SLC12A3: variants seen among roughly 807,000 people sequenced by gnomAD.
SLC12A3 encodes the protein Na-Cl cotransporter.
In SLC12A3, 104 loss-of-function variants were observed where a neutral mutation model predicts 121.0. The observed-to-expected ratio is 0.86, with a 90% CI of 0.73 to 1.01. SLC12A3 has a LOEUF of 1.01. SLC12A3 is among the 50% of genes least tolerant of loss of function. The pLI is 0.00. For synonymous variants in SLC12A3, 536 were observed against 533.4 expected (o/e 1.00, Z -0.07); for missense variants, 1,328 against 1,356.3 (o/e 0.98, Z 0.33).
At chr16:56,865,995 T>TC (rs1964345667) in intron 1 of SLC12A3, among the ~76,000 whole-genome samples, 3 of 150,282 alleles carry the variant, frequency 2.0e-5, no homozygotes, top group African/African-American at 7.4e-5. Flanking sequence ...TCTTTTCTTT[T>TC]TTTTTTTTGA....
intron 5 of SLC12A3, 100 bp downstream of exon 5, chr16:56,870,335 C>A: frequency 7.6e-7 from 1 of 1,323,216 alleles, no homozygotes; most frequent in Non-Finnish European, 1.0e-6. Flanking sequence ...CTCTGCCTGA[C>A]TTCACCCATC....
In SLC12A3 at chr16:56,870,150, T is replaced by C. The variant is rs2055072545; in HGVS notation, c.656T>C (p.Ile219Thr). 1.2e-6 allele frequency: 2 copies of C among 1,613,964 alleles called. No individual in the cohort carries two copies. The highest frequency in any genetic ancestry group is 1.7e-6 in the Non-Finnish European group (2 of 1,180,042). Reference sequence around the variant, plus strand: ...CTGGGCCCAGAGCTTGGGGGCTCCATCGGCCTCATTTTCGCTTTCGCCAAT... The same window carrying C: ...CTGGGCCCAGAGCTTGGGGGCTCCACCGGCCTCATTTTCGCTTTCGCCAAT... Reference protein sequence around the residue: ...RSLGPELGGSIGLIFAFANAV... With the variant: ...RSLGPELGGSTGLIFAFANAV... Residue 219 changes from isoleucine to threonine, a missense_variant, in exon 5 of 26, where the codon ATC becomes ACC. Transcript: ENST00000563236.
Position 56,883,938 on chromosome 16 carries a change from G to A in SLC12A3, c.1670-111G>A, listed in dbSNP as rs34362171. On this transcript the variant is annotated intron_variant, in intron 13 of 25. Coordinates refer to ENST00000563236, the MANE Select transcript of SLC12A3 (RefSeq NM_001126108.2). ...CTCATGGCTGGTGGGTACAGGCTGG[G>A]ACCCCGGCTCTGGGCACTGCTGGCA... 3.2e-6 allele frequency: 4 copies of A among 1,232,234 alleles called. No homozygotes were observed. The South Asian group carries it at 5.3e-5, about 16-fold the overall frequency. 76.3% of individuals were successfully genotyped at this position (1,232,234 alleles called of 1,614,324 possible).
intron 25 of SLC12A3, among the ~76,000 whole-genome samples, chr16:56,912,472 C>T (rs708270): frequency 0.58 from 88,376 of 152,050 alleles, 26,234 homozygotes; most frequent in African/African-American, 0.68. Context: ...GGAGGCAGGA[C>T]AAAGACGCTG....
intron 22 of SLC12A3, among the ~76,000 whole-genome samples, chr16:56,897,174 G>T (rs746396703): frequency 6.6e-6 from 1 of 152,146 alleles, no homozygotes; most frequent in African/African-American, 2.4e-5. Flanking sequence ...TGGCACACAA[G>T]TATGGAGTTG....
In SLC12A3 at chr16:56,868,128, C is replaced by T. The variant is rs549228776; in HGVS notation, c.430-169C>T. 3.3e-5 allele frequency among the ~76,000 whole-genome samples: 5 copies of T among 152,306 alleles called. No homozygotes were observed. In the East Asian group the frequency reaches 9.6e-4, roughly 29 times the overall value. ...AGGTGGGTCTCTGGGTGCCTCTCACCCTCTTGCCCCATAGAACCAGACTCG... is the reference window on the plus strand; with the variant it reads ...AGGTGGGTCTCTGGGTGCCTCTCACTCTCTTGCCCCATAGAACCAGACTCG... On this transcript the variant is annotated intron_variant, in intron 2 of 25. Coordinates refer to ENST00000563236, the MANE Select transcript of SLC12A3 (RefSeq NM_001126108.2).
chr16:56,877,061 A>G (rs2055172687), intron 8 of SLC12A3, among the ~76,000 whole-genome samples: 1 of 152,218 alleles, frequency 6.6e-6, no homozygotes, highest in Non-Finnish European at 1.5e-5. Context: ...AGAGTGGAAC[A>G]CATGCTGTGT....
intron 16 of SLC12A3, 89 bp downstream of exon 16, chr16:56,886,564 C>T: frequency 8.3e-7 from 1 of 1,205,260 alleles, no homozygotes. Context: ...ACAGGTGGAT[C>T]ACCCGAGGTC....
At position 56,886,967 on chromosome 16, in the gene SLC12A3, G is replaced by C. The variant is rs751560963; in HGVS notation, c.2052G>C (p.Gln684His). The part of the protein sequence containing the change: ...CGHVLIGPHK[Q>H]RMPELQLIAN... ...CCCACCCACAGGGACCCCACAAGCA[G>C]AGGATGCCTGAGCTCCAGCTCATCG... The change falls in exon 17 of 26, where the codon CAG (glutamine) becomes CAC (histidine). Residue 684 changes from glutamine (Q) to histidine (H), a missense_variant. Physicochemically the swap from Gln to His is conservative, Grantham distance 24. Transcript: ENST00000563236. The C allele has an allele frequency of 6.2e-7, 1 of 1,613,674 alleles. No homozygotes were observed.
At chr16:56,870,970 G>T (rs1334535143) in intron 6 of SLC12A3, among the ~76,000 whole-genome samples, 1 of 152,130 alleles carries the variant, frequency 6.6e-6, no homozygotes, top group Non-Finnish European at 1.5e-5. Context: ...GAGTAGCTGG[G>T]ATTACAGGCA....
At chr16:56,908,161 C>CTTTTTTTTTTTTTTT (rs55644914) in intron 25 of SLC12A3, among the ~76,000 whole-genome samples, 7 of 96,992 alleles carry the variant, frequency 7.2e-5, no homozygotes, top group Non-Finnish European at 1.1e-4. Flanking sequence ...AGTGATATAA[C>CTTTTTTTTTTTTTTT]TTTTTTTTTT....
chr16:56,884,018 G>C (rs1176867029), intron 13 of SLC12A3, 31 bp from the exon 14 acceptor site: 2 of 1,613,156 alleles, frequency 1.2e-6, no homozygotes, highest in Non-Finnish European at 1.7e-6. Context: ...CGACTGCCAG[G>C]CATGCCCACT....
chr16:56,881,300 C>G (rs540983536), intron 12 of SLC12A3, among the ~76,000 whole-genome samples: 1 of 152,316 alleles, frequency 6.6e-6, no homozygotes, highest in South Asian at 2.1e-4. Flanking sequence ...CTACTGGGTC[C>G]TGGACCACAT....
rs770311901 is a variant in SLC12A3, at chr16:56,884,097, G to A, written c.1718G>A (p.Gly573Glu). 1 of 1,614,188 alleles carries A rather than the reference G, an allele frequency of 6.2e-7. No homozygotes were observed. Residue 573 changes from glycine (G) to glutamate (E), a missense_variant, in exon 14 of 26, where the codon GGG (glycine) becomes GAG (glutamate). Physicochemically the swap from Gly to Glu is moderately conservative, Grantham distance 98. Coordinates refer to ENST00000563236, the MANE Select transcript of SLC12A3 (RefSeq NM_001126108.2). ...QYYNKWAALF[G>E]AIISVVIMFL... ...TACAACAAGTGGGCGGCGCTGTTTG[G>A]GGCTATCATCTCCGTGGTCATCATG...
chr16:56,897,245 A>G (rs1304629630), intron 22 of SLC12A3, among the ~76,000 whole-genome samples: 1 of 152,192 alleles, frequency 6.6e-6, no homozygotes, highest in Non-Finnish European at 1.5e-5. Context: ...GTGAGGTGGG[A>G]GGTGGTAGGC....
chr16:56,886,350 C>T lies in SLC12A3; in HGVS notation c.1926-14C>T. ...TCTCCTGATGGCTCCTGCCCTTTTC[C>T]CTTCCCTCCTCAGCCCCCAGTGCCT... On this transcript the variant is annotated splice_polypyrimidine_tract_variant and intron_variant, in intron 15 of 25. Transcript: ENST00000563236. The T allele has an allele frequency of 6.2e-7, 1 of 1,603,246 alleles. No individual in the cohort carries two copies. Among genetic ancestry groups the T allele is most frequent in the African/African-American group, 1.3e-5 (1 of 74,864 alleles).
rs1325391406 is a variant in SLC12A3 at position 56,899,561 on chromosome 16, G to A, written c.2665G>A (p.Gly889Arg). 2 of 1,614,108 alleles carry A rather than the reference G, an allele frequency of 1.2e-6. No homozygotes were observed. Among genetic ancestry groups the A allele is most frequent in the South Asian group, 1.1e-5 (1 of 91,082 alleles). The change falls in exon 23 of 26, where the codon GGA becomes AGA. Residue 889 changes from glycine (G) to arginine (R), a missense_variant. Gly to Arg is a moderately radical substitution (Grantham distance 125). Coordinates refer to ENST00000563236, the MANE Select transcript of SLC12A3 (RefSeq NM_001126108.2). The stretch of plus-strand genomic sequence containing the variant: ...TTCTCTGCTGAGCAAGTTCCGACTG[G>A]GATTCCATGAAGTCCACATCCTCCC... ...IISLLSKFRL[G>R]FHEVHILPDI...
intron 8 of SLC12A3, among the ~76,000 whole-genome samples, chr16:56,873,861 G>GCCA (rs2055134635): frequency 6.6e-6 from 1 of 151,452 alleles, no homozygotes; most frequent in Non-Finnish European, 1.5e-5. Context: ...ACAGGCACCT[G>GCCA]CCACCACGCC....
chr16:56,908,760 A>G (rs1487158330), intron 25 of SLC12A3, among the ~76,000 whole-genome samples: 2 of 152,200 alleles, frequency 1.3e-5, no homozygotes, highest in African/African-American at 4.8e-5. Context: ...CTTATCTCCA[A>G]ACCTCTTGCC....
Sources: gnomAD v4.1 joint callset for allele counts (sites outside exome capture counted in the v4.1 genomes callset) on GRCh38, gnomAD v4.1.1 for gene constraint, MANE v1.5 for transcripts, NCBI Gene and HGNC (gene_info 2026-07-23, HGNC 2026-07-21) for gene names.